PLEKHG1: variants seen among roughly 807,000 people sequenced by gnomAD.
PLEKHG1 encodes the protein pleckstrin homology domain-containing family G member 1.
In PLEKHG1, 44 loss-of-function variants were observed where a neutral mutation model predicts 100.8. The ratio of observed to expected loss-of-function variants is 0.44; its 90% CI spans 0.34 to 0.56. The LOEUF is 0.56. Among genes scored for constraint, PLEKHG1 ranks in the 20% least tolerant of loss-of-function variants. The pLI is 0.01. For missense variants in PLEKHG1, 1,545 were observed against 1,720.9 expected, an observed-to-expected ratio of 0.90 and a Z score of 1.81; for synonymous variants, 640 against 662.5, an observed-to-expected ratio of 0.97 and a Z score of 0.52.
At chr6:150,785,687 T>C (rs182933858) in intron 3 of PLEKHG1, among the ~76,000 whole-genome samples, 28 of 152,188 alleles carry the variant, frequency 1.8e-4, no homozygotes, top group African/African-American at 6.7e-4. Flanking sequence ...GGAAGCTCCA[T>C]AAGACCAGAG....
Position 150,604,207 on chromosome 6 carries a change from A to G in PLEKHG1, c.-204+4190A>G, listed in dbSNP as rs572831122. On this transcript the variant is annotated intron_variant, in intron 1 of 3. Transcript: ENST00000367326. ...TTCTCATAAGAGGAATTATTAATCCATAAATCATCATAGTATTAAATGAGC... is the reference window on the plus strand; with the variant it reads ...TTCTCATAAGAGGAATTATTAATCCGTAAATCATCATAGTATTAAATGAGC... Among the ~76,000 whole-genome samples the G allele has an allele frequency of 9.2e-5, 14 of 152,376 alleles. No individual in the cohort carries two copies. In the South Asian group the frequency reaches 2.9e-3, roughly 32 times the overall value.
intron 2 of PLEKHG1, among the ~76,000 whole-genome samples, chr6:150,736,649 A>G (rs1782577231): frequency 6.6e-6 from 1 of 152,064 alleles, no homozygotes; most frequent in African/African-American, 2.4e-5. Context: ...CATGCCTATA[A>G]TCCCAGCTAC....
chr6:150,622,193 A>G (rs1257058107), intron 1 of PLEKHG1, among the ~76,000 whole-genome samples: 1 of 152,194 alleles, frequency 6.6e-6, no homozygotes, highest in Non-Finnish European at 1.5e-5. Flanking sequence ...TGTTAAGTGA[A>G]TGAATCTCAA....
At chr6:150,818,849 C>G (rs1041856221) in intron 11 of PLEKHG1, among the ~76,000 whole-genome samples, 1 of 152,228 alleles carries the variant, frequency 6.6e-6, no homozygotes, top group African/African-American at 2.4e-5. Context: ...GAAAACACTT[C>G]TACTTTACTT....
In PLEKHG1 at chr6:150,603,100, A is replaced by AAAAAG. The variant is rs1776433929; in HGVS notation, c.-204+3086_-204+3087insAGAAA. Among the ~76,000 whole-genome samples the AAAAAG allele has an allele frequency of 2.7e-5, 4 of 150,826 alleles. 1 individual carries two copies. The highest frequency in any genetic ancestry group is 3.2e-3 in the Middle Eastern group (1 of 316). ...GTCTCAAAAAAAAAAAAAATAAAAA[A>AAAAAG]AAAGAAAAGAAAAAATTATAATCCC... On this transcript the variant is annotated intron_variant, in intron 1 of 3. Coordinates refer to the PLEKHG1 transcript ENST00000367326.
At chr6:150,830,751 G>A (rs749429717) in exon 15 of PLEKHG1, 41 of 1,614,030 alleles carry the variant, frequency 2.5e-5, no homozygotes, top group East Asian at 2.5e-4. Context: ...CCCAGCCGAC[G>A]GTCCCCGCAG....
In PLEKHG1 at chr6:150,728,669, G is replaced by A. The variant is rs181721329; in HGVS notation, c.-98-4915G>A. On this transcript the variant is annotated intron_variant, in intron 1 of 15. Transcript: ENST00000358517. Reference sequence around the variant, plus strand: ...TCCCAGCACTTTGGGAGGCCAAGGCGGGTAGATCACGAGGTCAGGAGTTCG... The same window carrying A: ...TCCCAGCACTTTGGGAGGCCAAGGCAGGTAGATCACGAGGTCAGGAGTTCG... Among the ~76,000 whole-genome samples the A allele has an allele frequency of 6.6e-3, 1,010 of 152,210 alleles. 14 individuals are homozygous for A. The highest frequency in any genetic ancestry group is 0.023 in the African/African-American group (945 of 41,524).
intron 6 of PLEKHG1, 85 bp from the exon 8 acceptor site, chr6:150,804,525 A>AC (rs1786924567): frequency 1.8e-6 from 2 of 1,106,398 alleles, no homozygotes; most frequent in Non-Finnish European, 2.6e-6. Context: ...AATATAAGGA[A>AC]CTAATCATAG....
rs553590313 is a variant in PLEKHG1, at chr6:150,769,247, C to CAG, written c.512+514_512+515dup. 2.0e-4 allele frequency among the ~76,000 whole-genome samples: 30 copies of CAG among 152,142 alleles called. No individual in the cohort carries two copies. The East Asian group carries it at 5.8e-3, about 29-fold the overall frequency. ...TAGAAAATTAAAATAGTAAACAAGA[C>CAG]AGAGAGTGAATGAATAAGTTATTAT... On this transcript the variant is annotated intron_variant, in intron 3 of 15. Transcript: ENST00000358517.
At chr6:150,680,605 G>T (rs1469782086) in intron 3 of PLEKHG1, among the ~76,000 whole-genome samples, 3 of 152,166 alleles carry the variant, frequency 2.0e-5, no homozygotes, top group Non-Finnish European at 4.4e-5. Flanking sequence ...ATTCTAAGGG[G>T]CCATGGTCCC....
chr6:150,626,551 A>G (rs1309230178), intron 1 of PLEKHG1, among the ~76,000 whole-genome samples: 1 of 152,152 alleles, frequency 6.6e-6, no homozygotes, highest in Non-Finnish European at 1.5e-5. Context: ...CTGCTGCACC[A>G]TGTTGGTTAA....
intron 2 of PLEKHG1, among the ~76,000 whole-genome samples, chr6:150,761,317 G>T: frequency 6.6e-6 from 1 of 150,758 alleles, no homozygotes; most frequent in East Asian, 2.0e-4. Context: ...TGTCAGCCAG[G>T]ATGGTCTCGA....
At chr6:150,668,733 C>T (rs1170178733) in intron 3 of PLEKHG1, among the ~76,000 whole-genome samples, 1 of 152,098 alleles carries the variant, frequency 6.6e-6, no homozygotes, top group Non-Finnish European at 1.5e-5. Flanking sequence ...ATTTGTAGGG[C>T]AGAGTATGGT....
chr6:150,639,298 A>C (rs1189134525), intron 2 of PLEKHG1, among the ~76,000 whole-genome samples: 1 of 152,206 alleles, frequency 6.6e-6, no homozygotes, highest in Non-Finnish European at 1.5e-5. Context: ...AAAATGCTAT[A>C]TATTTCTCTA....
Position 150,678,452 on chromosome 6 carries a change from C to A in PLEKHG1, c.-99+27666C>A, listed in dbSNP as rs9398030. On this transcript the variant is annotated intron_variant, in intron 3 of 3. Coordinates refer to the PLEKHG1 transcript ENST00000367326. ...ATAAGCAGGAATTGTTTCACTAGAT[C>A]TGTGTTAACTTCAGATGCCCTAGGA... Among the ~76,000 whole-genome samples the A allele has an allele frequency of 3.7e-4, 57 of 152,230 alleles. No individual in the cohort carries two copies. In the East Asian group the frequency reaches 9.7e-3, roughly 26 times the overall value.
intron 3 of PLEKHG1, among the ~76,000 whole-genome samples, chr6:150,777,488 GCA>G (rs1466063369): frequency 6.8e-6 from 1 of 148,024 alleles, no homozygotes; most frequent in African/African-American, 2.5e-5. Flanking sequence ...GTGCACATGT[GCA>G]GTTGCACATT....
intron 2 of PLEKHG1, among the ~76,000 whole-genome samples, chr6:150,645,251 A>C (rs1778444795): frequency 6.6e-6 from 1 of 152,190 alleles, no homozygotes; most frequent in Non-Finnish European, 1.5e-5. Flanking sequence ...CTCTGGGGTA[A>C]TTGGTTATCC....
At chr6:150,676,086 AT>A (rs1779749292) in intron 3 of PLEKHG1, among the ~76,000 whole-genome samples, 1 of 152,164 alleles carries the variant, frequency 6.6e-6, no homozygotes, top group Non-Finnish European at 1.5e-5. Context: ...AAAGAAGAAA[AT>A]TTTTTTGAAG....
At chr6:150,840,332 C>T in exon 16 of PLEKHG1, 1 of 1,614,076 alleles carries the variant, frequency 6.2e-7, no homozygotes, top group Non-Finnish European at 8.5e-7. Context: ...CCATCAACTA[C>T]CCTAGTGATG....
Sources: allele counts gnomAD v4.1 joint callset (sites outside exome capture counted in the v4.1 genomes callset), GRCh38; gene constraint gnomAD v4.1.1; transcripts MANE v1.5; gene names NCBI Gene and HGNC (gene_info 2026-07-23, HGNC 2026-07-21).